The following ADRA2B variants were observed in gnomAD, a reference collection of about 807,000 sequenced individuals.
ADRA2B encodes alpha-2B adrenergic receptor.
In ADRA2B, 14 loss-of-function variants were observed where a neutral mutation model predicts 14.4. The observed-to-expected ratio is 0.97, with a 90% CI of 0.64 to 1.52. ADRA2B has a LOEUF of 1.52. Among genes scored for constraint, ADRA2B ranks in the 40% most tolerant of loss-of-function variants. The pLI, the probability that ADRA2B is intolerant of heterozygous loss-of-function variation, is 0.00. For missense variants in ADRA2B, 606 were observed against 603.2 expected (o/e 1.00, Z -0.05); for synonymous variants, 250 against 263.7 (o/e 0.95, Z 0.50).
chr2:96,113,366 A>T lies in ADRA2B; in HGVS notation c.*1431T>A, dbSNP rs1392698851. 1 of 385,606 alleles carries T rather than the reference A, an allele frequency of 2.6e-6. No homozygotes were observed. The highest frequency in any genetic ancestry group is 2.1e-5 in the African/African-American group (1 of 48,290). The allele number at this position is 385,606 out of a possible 1,614,324, so 23.9% of individuals were successfully genotyped here. A position where few individuals can be genotyped will look rare whatever the true frequency, so the allele number is the denominator to read the frequency against. On this transcript the variant is annotated 3_prime_UTR_variant, in exon 1 of 1. Transcript: ENST00000620793. ...GAGAACCAGGAAGCAGGGGTCCTCA[A>T]TGCACAGCCCCATCAGCATTGCGGG... is the stretch of plus-strand genomic sequence containing the variant.
Position 96,113,488 on chromosome 2 carries a change from G to A in ADRA2B, c.*1309C>T, listed in dbSNP as rs963195206. On this transcript the variant is annotated 3_prime_UTR_variant, in exon 1 of 1. Transcript: ENST00000620793. ...TCATTTGGGGCTTGGAGACCTGGCC[G>A]GGCACTCCAGTGGGAGGCTCCCCTA... 4.0e-5 allele frequency: 9 copies of A among 227,068 alleles called. No individual in the cohort carries two copies. The highest frequency in any genetic ancestry group is 8.9e-5 in the East Asian group (1 of 11,204). The allele number at this position is 227,068 out of a possible 1,614,324, so 14.1% of individuals were successfully genotyped here.
Position 96,114,828 on chromosome 2 carries a change from AG to A in ADRA2B, c.1321del (p.Leu441CysfsTer129), listed in dbSNP as rs1446560543. 2.5e-6 allele frequency: 4 copies of A among 1,613,428 alleles called. No homozygotes were observed. Among genetic ancestry groups the A allele is most frequent in the Non-Finnish European group, 3.4e-6 (4 of 1,179,792 alleles). ...QDFRRAFRRILCRPWTQTAW is the reference protein window; with the variant it reads ...QDFRRAFRRIXCRPWTQTAW ...GGCCGTCTGGGTCCACGGGCGGCACAGGATCCTCCGGAAGGCACGGCGGAAG... is the reference window on the plus strand; with the variant it reads ...GGCCGTCTGGGTCCACGGGCGGCACAGATCCTCCGGAAGGCACGGCGGAAG... On this transcript the variant is annotated frameshift_variant, in exon 1 of 1. Coordinates refer to ENST00000620793, the MANE Select transcript of ADRA2B (RefSeq NM_000682.7). LOFTEE classifies it high-confidence loss of function.
At position 96,114,043 on chromosome 2, in the gene ADRA2B, G is replaced by C; in HGVS notation, c.*754C>G. 1.0e-6 allele frequency: 1 copy of C among 985,850 alleles called. No individual in the cohort carries two copies. Among genetic ancestry groups the C allele is most frequent in the Non-Finnish European group, 1.2e-6 (1 of 829,948 alleles). 61.1% of individuals were successfully genotyped at this position (985,850 alleles called of 1,614,324 possible). ...CTATTGTCGCCCCGATTTTTGCAGG[G>C]GGTGAATGCCAGTGATCGGGGATCT... On this transcript the variant is annotated 3_prime_UTR_variant, in exon 1 of 1. Coordinates refer to ENST00000620793, the MANE Select transcript of ADRA2B (RefSeq NM_000682.7).
In ADRA2B at chr2:96,114,108, C is replaced by T. The variant is rs539669669; in HGVS notation, c.*689G>A. The T allele has an allele frequency of 4.8e-5, 47 of 985,762 alleles. No individual in the cohort carries two copies. The African/African-American group carries it at 7.1e-4, about 15-fold the overall frequency. 61.1% of individuals were successfully genotyped at this position (985,762 alleles called of 1,614,324 possible). Reference sequence around the variant, plus strand: ...GACCAGGCCTCCAAGACCGCCCCAGCGAGGCATCCACGTGGCCACCCACCT... The same window carrying T: ...GACCAGGCCTCCAAGACCGCCCCAGTGAGGCATCCACGTGGCCACCCACCT... On this transcript the variant is annotated 3_prime_UTR_variant, in exon 1 of 1. Transcript: ENST00000620793.
In ADRA2B at chr2:96,114,000, C is replaced by A. The variant is rs1344127303; in HGVS notation, c.*797G>T. The stretch of plus-strand genomic sequence containing the variant: ...TTCTGCAAAGCCTTTCATCTCCCTG[C>A]AGCAAGTAGGCAGTGAGCTATTGTC... On this transcript the variant is annotated 3_prime_UTR_variant, in exon 1 of 1. Coordinates refer to ENST00000620793, the MANE Select transcript of ADRA2B (RefSeq NM_000682.7). The A allele has an allele frequency of 1.6e-5, 16 of 985,784 alleles. No homozygotes were observed. The East Asian group carries it at 1.4e-3, about 84-fold the overall frequency. 61.1% of individuals were successfully genotyped at this position (985,784 alleles called of 1,614,324 possible).
At position 96,114,664 on chromosome 2, in the gene ADRA2B, G is replaced by T. The variant is rs1681820715; in HGVS notation, c.*133C>A. 7.0e-7 allele frequency: 1 copy of T among 1,433,946 alleles called. No homozygotes were observed. The allele number at this position is 1,433,946 out of a possible 1,614,324, so 88.8% of individuals were successfully genotyped here. ...CCCCCCTGCCCACCCCTCCCAAGGG[G>T]TTCCTAAGATGAGGCCTACAGGATC... On this transcript the variant is annotated 3_prime_UTR_variant, in exon 1 of 1. Coordinates refer to ENST00000620793, the MANE Select transcript of ADRA2B (RefSeq NM_000682.7).
At position 96,116,052 on chromosome 2, in the gene ADRA2B, A is replaced by T; in HGVS notation, c.98T>A (p.Val33Asp). 6.2e-7 allele frequency: 1 copy of T among 1,613,312 alleles called. No individual in the cohort carries two copies. The highest frequency in any genetic ancestry group is 8.5e-7 in the Non-Finnish European group (1 of 1,179,738). The change falls in exon 1 of 1, where the codon GTC (valine) becomes GAC (aspartate). Residue 33 changes from valine (V) to aspartate (D), a missense_variant. Transcript: ENST00000620793. ...ILFTIFGNALVILAVLTSRSL... is the reference protein window; with the variant it reads ...ILFTIFGNALDILAVLTSRSL... ...GCGGCTGGTCAACACAGCCAGGATG[A>T]CCAGAGCGTTGCCGAAGATGGTAAA...
chr2:96,114,159 C>A lies in ADRA2B; in HGVS notation c.*638G>T, dbSNP rs1573902461. ...ACCGGAGGGGTGCTGGGTAAGGAAG[C>A]CGATCCATTGTTCTGGCTTTCAAAG... is the stretch of plus-strand genomic sequence containing the variant. On this transcript the variant is annotated 3_prime_UTR_variant, in exon 1 of 1. Coordinates refer to ENST00000620793, the MANE Select transcript of ADRA2B (RefSeq NM_000682.7). 1.0e-6 allele frequency: 1 copy of A among 985,764 alleles called. No individual in the cohort carries two copies. Among genetic ancestry groups the A allele is most frequent in the East Asian group, 1.1e-4 (1 of 8,806 alleles). The allele number at this position is 985,764 out of a possible 1,614,324, so 61.1% of individuals were successfully genotyped here.
rs9333566 is a variant in ADRA2B, at chr2:96,116,236, C to A, written c.-87G>T. The A allele has an allele frequency of 6.9e-5, 88 of 1,278,198 alleles. No homozygotes were observed. Among genetic ancestry groups the A allele is most frequent in the South Asian group, 1.3e-5 (1 of 77,890 alleles). The allele number at this position is 1,278,198 out of a possible 1,614,324, so 79.2% of individuals were successfully genotyped here. On this transcript the variant is annotated 5_prime_UTR_variant, in exon 1 of 1. Transcript: ENST00000620793. ...GCTGCCCGGCTCGGCTAGACAAGAG[C>A]GTCGCCCCTCGGGCGGCGCCGAGGG...
rs777181734 is a variant in ADRA2B, at chr2:96,115,115, C to T, written c.1035G>A (p.Leu345=). 6.2e-7 allele frequency: 1 copy of T among 1,610,596 alleles called. No homozygotes were observed. Among genetic ancestry groups the T allele is most frequent in the Admixed American group, 1.7e-5 (1 of 59,410 alleles). ...CACCTATAGCACCCACGCCCCTGCC[C>T]AGGAGCACCTGGCCACGTAGGGTGG... ...VLATLRGQVL[L]GRGVGAIGGQ... is the part of the protein sequence containing the mutation. Residue 345 remains leucine, a synonymous_variant, in exon 1 of 1, where the codon CTG becomes CTA. Transcript: ENST00000620793.
rs958848978 is a variant in ADRA2B at position 96,114,460 on chromosome 2, G to C, written c.*337C>G. 2.2e-5 allele frequency: 24 copies of C among 1,072,416 alleles called. No homozygotes were observed. The highest frequency in any genetic ancestry group is 2.6e-5 in the Non-Finnish European group (23 of 884,032). 66.4% of individuals were successfully genotyped at this position (1,072,416 alleles called of 1,614,324 possible). A position where few individuals can be genotyped will look rare whatever the true frequency, so the allele number is the denominator to read the frequency against. On this transcript the variant is annotated 3_prime_UTR_variant, in exon 1 of 1. Transcript: ENST00000620793. ...AAGGTCCTCAAGAAAGGGAAGCCCA[G>C]ACATTGGTCTGGAGAGCATGGGGCT...
At position 96,114,849 on chromosome 2, in the gene ADRA2B, C is replaced by T. The variant is rs759782711; in HGVS notation, c.1301G>A (p.Arg434His). 13 of 1,613,834 alleles carry T rather than the reference C, an allele frequency of 8.1e-6. No individual in the cohort carries two copies. Among genetic ancestry groups the T allele is most frequent in the Non-Finnish European group, 1.0e-5 (12 of 1,179,960 alleles). Residue 434 changes from arginine to histidine, a missense_variant, in exon 1 of 1, where the codon CGC becomes CAC. Arg to His is a conservative substitution (Grantham distance 29). Coordinates refer to ENST00000620793, the MANE Select transcript of ADRA2B (RefSeq NM_000682.7). ...VIYTIFNQDF[R>H]RAFRRILCRP... ...GCACAGGATCCTCCGGAAGGCACGG[C>T]GGAAGTCCTGGTTGAAGATGGTGTA...
At position 96,115,948 on chromosome 2, in the gene ADRA2B, A is replaced by T. The variant is rs191996571; in HGVS notation, c.202T>A (p.Phe68Ile). ...DILVATLIIP[F>I]SLANELLGYW... ...CCCAGCAGCTCGTTGGCCAGCGAGA[A>T]AGGGATGATGAGCGTGGCCACCAGG... Residue 68 changes from phenylalanine to isoleucine, a missense_variant, in exon 1 of 1, where the codon TTC becomes ATC. By Grantham distance (21) the Phe-to-Ile change is conservative. Transcript: ENST00000620793. 89 of 1,613,868 alleles carry T rather than the reference A, an allele frequency of 5.5e-5. No individual in the cohort carries two copies. In the African/African-American group the frequency reaches 8.5e-4, roughly 15 times the overall value.
Position 96,116,233 on chromosome 2 carries a change from G to C in ADRA2B, c.-84C>G. 2 of 1,309,304 alleles carry C rather than the reference G, an allele frequency of 1.5e-6. No homozygotes were observed. Among genetic ancestry groups the C allele is most frequent in the Non-Finnish European group, 2.1e-6 (2 of 930,744 alleles). 81.1% of individuals were successfully genotyped at this position (1,309,304 alleles called of 1,614,324 possible). A position where few individuals can be genotyped will look rare whatever the true frequency, so the allele number is the denominator to read the frequency against. ...AGCGCTGCCCGGCTCGGCTAGACAA[G>C]AGCGTCGCCCCTCGGGCGGCGCCGA... On this transcript the variant is annotated 5_prime_UTR_variant, in exon 1 of 1. Coordinates refer to ENST00000620793, the MANE Select transcript of ADRA2B (RefSeq NM_000682.7).
chr2:96,113,689 C>A lies in ADRA2B; in HGVS notation c.*1108G>T, dbSNP rs1285054826. ...CTGGGGAGACCCAAGCCACTAAAAA[C>A]CCTCTTGGTGTTGCCGGTGAAATGT... On this transcript the variant is annotated 3_prime_UTR_variant, in exon 1 of 1. Transcript: ENST00000620793. 1.1e-5 allele frequency: 2 copies of A among 175,430 alleles called. No homozygotes were observed. Among genetic ancestry groups the A allele is most frequent in the African/African-American group, 4.8e-5 (2 of 41,890 alleles). 10.9% of individuals were successfully genotyped at this position (175,430 alleles called of 1,614,324 possible). A position where few individuals can be genotyped will look rare whatever the true frequency, so the allele number is the denominator to read the frequency against.
In ADRA2B at chr2:96,115,822, G is replaced by C. The variant is rs539438565; in HGVS notation, c.328C>G (p.Arg110Gly). 17 of 1,613,396 alleles carry C rather than the reference G, an allele frequency of 1.1e-5. No individual in the cohort carries two copies. The highest frequency in any genetic ancestry group is 1.6e-4 in the Middle Eastern group (1 of 6,062). The change falls in exon 1 of 1, where the codon CGC becomes GGC. Residue 110 changes from arginine to glycine, a missense_variant. Physicochemically the swap from Arg to Gly is moderately radical, Grantham distance 125. Transcript: ENST00000620793. ...AGCGCGCGGCTCACGGCCCAGTAGCGGTCCAGGCTGATGGCGCACAGGTGC... is the reference window on the plus strand; with the variant it reads ...AGCGCGCGGCTCACGGCCCAGTAGCCGTCCAGGCTGATGGCGCACAGGTGC... ...IVHLCAISLD[R>G]YWAVSRALEY...
rs372356977 is a variant in ADRA2B at position 96,115,582 on chromosome 2, G to A, written c.568C>T (p.Leu190Phe). 13 of 1,613,828 alleles carry A rather than the reference G, an allele frequency of 8.1e-6. No individual in the cohort carries two copies. The highest frequency in any genetic ancestry group is 1.7e-5 in the Admixed American group (1 of 60,014). Residue 190 changes from leucine to phenylalanine, a missense_variant, in exon 1 of 1, where the codon CTT (leucine) becomes TTT (phenylalanine). By Grantham distance (22) the Leu-to-Phe change is conservative. Transcript: ENST00000620793. ...ATCAGGTAGATGCGCAGGTAGACAA[G>A]GATCATGATGAGGCAAGGAGCAAAG... Reference protein sequence around the residue: ...SFFAPCLIMILVYLRIYLIAK... With the variant: ...SFFAPCLIMIFVYLRIYLIAK...
rs1202126448 is a variant in ADRA2B at position 96,115,268 on chromosome 2, C to T, written c.882G>A (p.Glu294=). The T allele has an allele frequency of 2.6e-6, 4 of 1,567,416 alleles. No homozygotes were observed. In the African/African-American group the frequency reaches 4.1e-5, roughly 16 times the overall value. The change falls in exon 1 of 1, where the codon GAG becomes GAA. Residue 294 remains glutamate (E), a synonymous_variant. Coordinates refer to ENST00000620793, the MANE Select transcript of ADRA2B (RefSeq NM_000682.7). ...QKEGVCGASP[E]DEAEEEEEEE... is the part of the protein sequence containing the mutation. ...CCTCTTCCTCCTCTTCAGCTTCATC[C>T]TCTGGAGATGCCCCACAAACACCCT...
Position 96,115,963 on chromosome 2 carries a change from T to G in ADRA2B, c.187A>C (p.Thr63Pro). The G allele has an allele frequency of 6.2e-7, 1 of 1,613,770 alleles. No individual in the cohort carries two copies. The highest frequency in any genetic ancestry group is 8.5e-7 in the Non-Finnish European group (1 of 1,179,938). ...SLAAADILVATLIIPFSLANE... is the reference protein window; with the variant it reads ...SLAAADILVAPLIIPFSLANE... ...GCCAGCGAGAAAGGGATGATGAGCG[T>G]GGCCACCAGGATGTCGGCGGCGGCC... The change falls in exon 1 of 1, where the codon ACG (threonine) becomes CCG (proline). Residue 63 changes from threonine (T) to proline (P), a missense_variant. Transcript: ENST00000620793.
Sources: allele counts gnomAD v4.1 joint callset, GRCh38; gene constraint gnomAD v4.1.1; transcripts MANE v1.5; gene names NCBI Gene and HGNC (gene_info 2026-07-23, HGNC 2026-07-21).